The following ST8SIA1 variants were observed in gnomAD, a reference collection of about 807,000 sequenced individuals.
ST8SIA1 encodes the protein alpha-N-acetylneuraminide alpha-2,8-sialyltransferase.
ST8SIA1 carries 16 observed loss-of-function variants against 35.9 expected under a neutral mutation model. The ratio of observed to expected loss-of-function variants is 0.45; its 90% CI spans 0.30 to 0.68. The LOEUF is 0.68. Among genes scored for constraint, ST8SIA1 ranks in the 30% least tolerant of loss-of-function variants. The pLI, the probability that ST8SIA1 is intolerant of heterozygous loss-of-function variation, is 0.09. For missense variants in ST8SIA1, 383 were observed against 453.6 expected (o/e 0.84, Z 1.41); for synonymous variants, 170 against 169.6 (o/e 1.00, Z -0.02).
At chr12:22,333,786 T>C in intron 1 of ST8SIA1, 1 of 759,158 alleles carries the variant, frequency 1.3e-6, no homozygotes, top group Non-Finnish European at 2.4e-6. Context: ...AAAGCAGGTG[T>C]CTGCACATCT....
At chr12:22,232,825 C>G (rs1364379834) in intron 4 of ST8SIA1, among the ~76,000 whole-genome samples, 2 of 151,830 alleles carry the variant, frequency 1.3e-5, no homozygotes, top group Non-Finnish European at 2.9e-5. Context: ...GTGACAGAGA[C>G]TCTGCCTCAA....
rs551442226 is a variant in ST8SIA1, at chr12:22,249,952, AC to A, written c.492-855del. Among the ~76,000 whole-genome samples the A allele has an allele frequency of 7.9e-5, 12 of 152,192 alleles. No individual in the cohort carries two copies. The East Asian group carries it at 2.3e-3, about 29-fold the overall frequency. On this transcript the variant is annotated intron_variant, in intron 3 of 4. Transcript: ENST00000396037. The stretch of plus-strand genomic sequence containing the variant: ...ATTCACTTAAATCACAGCATGTCTG[AC>A]TTGTGTGTGTGTGGCCAATGGGTAG...
chr12:22,302,797 C>T (rs1038417733), intron 1 of ST8SIA1, among the ~76,000 whole-genome samples: 15 of 152,128 alleles, frequency 9.9e-5, no homozygotes, highest in African/African-American at 1.7e-4. Flanking sequence ...GAGATAAATG[C>T]ATGTCTGATT....
intron 4 of ST8SIA1, among the ~76,000 whole-genome samples, chr12:22,242,104 T>C (rs375323402): frequency 4.9e-4 from 75 of 152,174 alleles, no homozygotes; most frequent in African/African-American, 1.8e-3. Context: ...AAAGAAACAT[T>C]TCCAAAATAC....
intron 2 of ST8SIA1, among the ~76,000 whole-genome samples, chr12:22,265,957 C>T (rs1009367551): frequency 7.2e-5 from 11 of 152,026 alleles, no homozygotes; most frequent in African/African-American, 2.7e-4. Context: ...ATTGAAGCAC[C>T]CACCCAGGAC....
intron 2 of ST8SIA1, 120 bp from the exon 3 acceptor site, chr12:22,255,509 G>T (rs1865719944): frequency 1.2e-6 from 1 of 844,882 alleles, no homozygotes; most frequent in Admixed American, 2.1e-5. Context: ...GCAAAAAAGA[G>T]CATGTGAAAA....
chr12:22,287,779 G>A (rs915677834), intron 1 of ST8SIA1, among the ~76,000 whole-genome samples: 5 of 152,310 alleles, frequency 3.3e-5, no homozygotes, highest in Admixed American at 6.5e-5. Flanking sequence ...TGACCCTAAA[G>A]AGAGTGCACT....
At chr12:22,300,555 AC>A (rs2135824621) in intron 1 of ST8SIA1, among the ~76,000 whole-genome samples, 1 of 152,326 alleles carries the variant, frequency 6.6e-6, no homozygotes, top group Non-Finnish European at 1.5e-5. Context: ...GGTCAAGATT[AC>A]AATTTTATAG....
chr12:22,291,113 C>T (rs1866170047), intron 1 of ST8SIA1, among the ~76,000 whole-genome samples: 1 of 152,272 alleles, frequency 6.6e-6, no homozygotes, highest in Admixed American at 6.5e-5. Context: ...GTTCTTATCC[C>T]TCCTAATGGA....
chr12:22,208,947 A>C (rs2120628260), intron 4 of ST8SIA1, among the ~76,000 whole-genome samples: 1 of 152,246 alleles, frequency 6.6e-6, no homozygotes. Context: ...ATAAATTCCT[A>C]CCTCACATTG....
At chr12:22,275,577 G>A (rs1233473695) in intron 2 of ST8SIA1, among the ~76,000 whole-genome samples, 1 of 152,158 alleles carries the variant, frequency 6.6e-6, no homozygotes, top group South Asian at 2.1e-4. Flanking sequence ...ATGAGGAGCT[G>A]GAGGAAGCAG....
intron 4 of ST8SIA1, among the ~76,000 whole-genome samples, chr12:22,208,474 C>T (rs1865140766): frequency 1.3e-5 from 2 of 151,774 alleles, no homozygotes; most frequent in South Asian, 4.2e-4. Flanking sequence ...GCAACAAAGC[C>T]CCCAAACACT....
At chr12:22,290,710 A>G (rs1278597995) in intron 1 of ST8SIA1, among the ~76,000 whole-genome samples, 1 of 152,142 alleles carries the variant, frequency 6.6e-6, no homozygotes, top group Admixed American at 6.5e-5. Flanking sequence ...ATGTCTAGGA[A>G]ATTGTCAGAT....
At chr12:22,310,680 G>A (rs968442733) in intron 1 of ST8SIA1, among the ~76,000 whole-genome samples, 2 of 152,072 alleles carry the variant, frequency 1.3e-5, no homozygotes, top group African/African-American at 2.4e-5. Flanking sequence ...AAGCATATAC[G>A]CCTCGGTGGA....
intron 4 of ST8SIA1, among the ~76,000 whole-genome samples, chr12:22,226,281 A>G (rs1322655446): frequency 1.3e-5 from 2 of 152,220 alleles, no homozygotes; most frequent in East Asian, 1.9e-4. Context: ...GTGATAGGGA[A>G]AAGTTTGAAG....
At chr12:22,284,453 G>A (rs574088089) in intron 2 of ST8SIA1, among the ~76,000 whole-genome samples, 1 of 152,200 alleles carries the variant, frequency 6.6e-6, no homozygotes, top group African/African-American at 2.4e-5. Flanking sequence ...AACCCTTTTT[G>A]GCTGATAACA....
At chr12:22,211,776 A>G (rs1865178472) in intron 4 of ST8SIA1, among the ~76,000 whole-genome samples, 1 of 152,240 alleles carries the variant, frequency 6.6e-6, no homozygotes. Flanking sequence ...CAGTGGTGCA[A>G]TGTAGGTTCA....
chr12:22,247,442 T>C (rs1378958383), intron 4 of ST8SIA1, among the ~76,000 whole-genome samples: 1 of 152,006 alleles, frequency 6.6e-6, no homozygotes, highest in East Asian at 1.9e-4. Context: ...TATTTAAAAA[T>C]AAATTGTTTT....
At chr12:22,294,351 C>T (rs920439532) in intron 1 of ST8SIA1, among the ~76,000 whole-genome samples, 4 of 152,050 alleles carry the variant, frequency 2.6e-5, no homozygotes, top group Non-Finnish European at 5.9e-5. Context: ...CATCATTGAC[C>T]TAATAGGCCG....
Sources: allele counts gnomAD v4.1 joint callset (sites outside exome capture counted in the v4.1 genomes callset), GRCh38; gene constraint gnomAD v4.1.1; transcripts MANE v1.5; gene names NCBI Gene and HGNC (gene_info 2026-07-23, HGNC 2026-07-21).